The following CXADR variants were observed in gnomAD, a reference collection of about 807,000 sequenced individuals.
CXADR encodes coxsackievirus and adenovirus receptor.
CXADR carries 20 observed loss-of-function variants against 40.3 expected under a neutral mutation model. That is an observed-to-expected ratio of 0.50 (90% confidence interval 0.35 to 0.72). The LOEUF (loss-of-function observed/expected upper bound fraction) is 0.72, where lower values mean the gene tolerates loss of function less well. CXADR is among the 30% of genes least tolerant of loss of function. The pLI, the probability that CXADR is intolerant of heterozygous loss-of-function variation, is 0.01. For missense variants in CXADR, 332 were observed against 449.1 expected (o/e 0.74, Z 2.36); for synonymous variants, 150 against 161.3 (o/e 0.93, Z 0.53).
intron 1 of CXADR, chr21:17,518,852 T>C (rs1600940847): frequency 6.4e-7 from 1 of 1,560,182 alleles, no homozygotes; most frequent in East Asian, 2.2e-5. Flanking sequence ...ACTATATTAT[T>C]CACAGCCAGT....
chr21:17,538,832 A>G (rs1423335156), intron 1 of CXADR, among the ~76,000 whole-genome samples: 2 of 152,094 alleles, frequency 1.3e-5, no homozygotes, highest in African/African-American at 4.8e-5. Context: ...AAATAGATAA[A>G]TAAAAGCAAT....
chr21:17,582,252 T>C (rs2061366731), intron 7 of CXADR, among the ~76,000 whole-genome samples: 1 of 152,218 alleles, frequency 6.6e-6, no homozygotes. Context: ...CCGCAGGTGA[T>C]GCACCCGCCT....
chr21:17,518,723 T>G, intron 1 of CXADR: 1 of 1,602,490 alleles, frequency 6.2e-7, no homozygotes, highest in East Asian at 2.2e-5. Context: ...GTGATTGGTT[T>G]GGCTTCTGCA....
At chr21:17,628,928 A>C in the CXADR span, among the ~76,000 whole-genome samples, 1 of 152,202 alleles carries the variant, frequency 6.6e-6, no homozygotes, top group South Asian at 2.1e-4. Flanking sequence ...CATGGAGGGC[A>C]ATCTGCTTTA....
At chr21:17,588,604 AG>A (rs1469748898) in intron 7 of CXADR, among the ~76,000 whole-genome samples, 1 of 152,120 alleles carries the variant, frequency 6.6e-6, no homozygotes, top group Non-Finnish European at 1.5e-5. Flanking sequence ...TAATTTGAAA[AG>A]CCCCATTCAC....
the CXADR span, chr21:17,608,806 A>G: frequency 1.5e-6 from 1 of 646,188 alleles, no homozygotes; most frequent in South Asian, 3.9e-5. Flanking sequence ...TCCGCCAACA[A>G]ATACTTGTTT....
At chr21:17,532,327 T>G (rs2060689010) in intron 1 of CXADR, among the ~76,000 whole-genome samples, 1 of 152,206 alleles carries the variant, frequency 6.6e-6, no homozygotes, top group South Asian at 2.1e-4. Flanking sequence ...TTCTATTTGC[T>G]TTTTCCTTTT....
At chr21:17,620,558 C>G in the CXADR span, among the ~76,000 whole-genome samples, 4,740 of 152,098 alleles carry the variant, frequency 0.031, 129 homozygotes, top group African/African-American at 0.063. Context: ...ACAAAGTGAT[C>G]ACAAGCTGTT....
intron 1 of CXADR, among the ~76,000 whole-genome samples, chr21:17,545,248 C>T (rs1314901353): frequency 6.6e-6 from 1 of 151,670 alleles, no homozygotes; most frequent in Non-Finnish European, 1.5e-5. Flanking sequence ...TGCTCTTCAA[C>T]AGAAAGTAGT....
the CXADR span, among the ~76,000 whole-genome samples, chr21:17,602,141 AG>A: frequency 6.6e-6 from 1 of 152,160 alleles, no homozygotes; most frequent in Non-Finnish European, 1.5e-5. Context: ...GGGGAAAAAA[AG>A]GATGGCAGAA....
At chr21:17,618,698 G>T in the CXADR span, among the ~76,000 whole-genome samples, 2 of 151,840 alleles carry the variant, frequency 1.3e-5, no homozygotes, top group Non-Finnish European at 2.9e-5. Context: ...CACCACGCCC[G>T]GCTAATTTTT....
chr21:17,606,668 A>C, the CXADR span, among the ~76,000 whole-genome samples: 1 of 152,132 alleles, frequency 6.6e-6, no homozygotes, highest in African/African-American at 2.4e-5. Context: ...TGCATACCTT[A>C]CATGTTTTGT....
At chr21:17,546,059 G>A (rs1009932169) in intron 1 of CXADR, among the ~76,000 whole-genome samples, 4 of 152,280 alleles carry the variant, frequency 2.6e-5, no homozygotes, top group Middle Eastern at 3.4e-3. Flanking sequence ...GATTACAGGC[G>A]TGAGCCACCG....
downstream of CXADR, chr21:17,570,120 C>T (rs1357060254): frequency 5.1e-6 from 5 of 985,346 alleles, no homozygotes; most frequent in Non-Finnish European, 6.0e-6. Context: ...CATGGTGTGG[C>T]TTTATTGTGC....
chr21:17,540,761 C>A (rs1297202870), intron 1 of CXADR, among the ~76,000 whole-genome samples: 1 of 152,228 alleles, frequency 6.6e-6, no homozygotes, highest in Non-Finnish European at 1.5e-5. Flanking sequence ...TGACATTTCA[C>A]ACGTCTTCTA....
intron 1 of CXADR, among the ~76,000 whole-genome samples, chr21:17,514,565 GAAAA>G (rs11289742): frequency 6.3e-5 from 9 of 142,476 alleles, no homozygotes; most frequent in African/African-American, 2.1e-4. Flanking sequence ...TGTTCTCTGG[GAAAA>G]AAAAAAAAAA....
At chr21:17,520,346 G>A (rs2849892) in intron 1 of CXADR, among the ~76,000 whole-genome samples, 50,096 of 151,978 alleles carry the variant, frequency 0.33, 8,827 homozygotes, top group Admixed American at 0.47. Context: ...TGCATGTAAG[G>A]CACCTAACCA....
At position 17,560,606 on chromosome 21, in the gene CXADR, C is replaced by T. The variant is rs560010435; in HGVS notation, c.572-96C>T. The stretch of plus-strand genomic sequence containing the variant: ...CAGCCTTGGTCTGTCTTGCTTTTAA[C>T]TGGATTGTTTAATTTGGAGAGGACT... On this transcript the variant is annotated intron_variant, in intron 4 of 6. Coordinates refer to ENST00000284878, the MANE Select transcript of CXADR (RefSeq NM_001338.5). 1.2e-5 allele frequency: 15 copies of T among 1,272,140 alleles called. No individual in the cohort carries two copies. In the East Asian group the frequency reaches 3.5e-4, roughly 30 times the overall value. The allele number at this position is 1,272,140 out of a possible 1,614,324, so 78.8% of individuals were successfully genotyped here.
chr21:17,523,324 T>G (rs1042030376), intron 1 of CXADR, among the ~76,000 whole-genome samples: 7 of 152,208 alleles, frequency 4.6e-5, no homozygotes, highest in Non-Finnish European at 7.3e-5. Context: ...TTCATGTTTG[T>G]AGGCTTGGGA....
Sources: gnomAD v4.1 joint callset for allele counts (sites outside exome capture counted in the v4.1 genomes callset) on GRCh38, gnomAD v4.1.1 for gene constraint, MANE v1.5 for transcripts, NCBI Gene and HGNC (gene_info 2026-07-23, HGNC 2026-07-21) for gene names.